Variants in DNAH8 observed in about 807,000 individuals in gnomAD.
DNAH8 encodes axonemal beta dynein heavy chain 8.
DNAH8 carries 382 observed loss-of-function variants against 562.1 expected under a neutral mutation model. The observed-to-expected ratio is 0.68, with a 90% confidence interval of 0.63 to 0.74. The LOEUF (loss-of-function observed/expected upper bound fraction) is 0.74, where lower values mean the gene tolerates loss of function less well. Among genes scored for constraint, DNAH8 ranks in the 30% least tolerant of loss-of-function variants. The pLI, the probability that DNAH8 is intolerant of heterozygous loss-of-function variation, is 0.00. For synonymous variants in DNAH8, 1,881 were observed against 1,919.4 expected, an observed-to-expected ratio of 0.98 and a Z score of 0.52; for missense variants, 5,203 against 5,620.4, an observed-to-expected ratio of 0.93 and a Z score of 2.37.
In DNAH8 at chr6:38,737,063, T is replaced by C; in HGVS notation, c.763-4T>C. 6.6e-7 allele frequency: 1 copy of C among 1,512,604 alleles called. No individual in the cohort carries two copies. Among genetic ancestry groups the C allele is most frequent in the Non-Finnish European group, 8.8e-7 (1 of 1,138,032 alleles). The allele number at this position is 1,512,604 out of a possible 1,614,324, so 93.7% of individuals were successfully genotyped here. A position where few individuals can be genotyped will look rare whatever the true frequency, so the allele number is the denominator to read the frequency against. On this transcript the variant is annotated splice_polypyrimidine_tract_variant and splice_region_variant and intron_variant, in intron 5 of 92. Transcript: ENST00000327475. Reference sequence around the variant, plus strand: ...AAAATAACATTTAAACTCCACCCTTTCAGGAAGCGCTCTTTACTGTTCTGG... The same window carrying C: ...AAAATAACATTTAAACTCCACCCTTCCAGGAAGCGCTCTTTACTGTTCTGG...
chr6:38,848,077 C>G (rs1471934967), intron 36 of DNAH8, among the ~76,000 whole-genome samples: 1 of 152,186 alleles, frequency 6.6e-6, no homozygotes, highest in Non-Finnish European at 1.5e-5. Context: ...GCTGTGCGGT[C>G]ATCTTCTCCA....
At chr6:38,900,679 A>T (rs1192069636) in intron 62 of DNAH8, among the ~76,000 whole-genome samples, 1 of 151,200 alleles carries the variant, frequency 6.6e-6, no homozygotes, top group East Asian at 1.9e-4. Context: ...GTGCAATGGC[A>T]TGATCTCTGC....
At chr6:38,765,094 C>T (rs1393022389) in intron 11 of DNAH8, among the ~76,000 whole-genome samples, 1 of 152,240 alleles carries the variant, frequency 6.6e-6, no homozygotes, top group Non-Finnish European at 1.5e-5. Flanking sequence ...CCTCAGCCTC[C>T]CAAAGTGTTG....
At position 38,951,438 on chromosome 6, in the gene DNAH8, C is replaced by G; in HGVS notation, c.12369C>G (p.Thr4123=). The change falls in exon 82 of 93, where the codon ACC becomes ACG. Residue 4123 remains threonine, a synonymous_variant. Transcript: ENST00000327475. The stretch of plus-strand genomic sequence containing the variant: ...AGAAAACTTGGGAAGAAAGTGATAC[C>G]CGGACACCTCTGATATGCTTCCTGT... The part of the protein sequence containing the change: ...NLEKTWEESD[T]RTPLICFLSM... 6.2e-7 allele frequency: 1 copy of G among 1,614,032 alleles called. No homozygotes were observed. Among genetic ancestry groups the G allele is most frequent in the Non-Finnish European group, 8.5e-7 (1 of 1,179,988 alleles).
intron 49 of DNAH8, among the ~76,000 whole-genome samples, chr6:38,872,245 C>A (rs575460441): frequency 6.6e-5 from 10 of 152,202 alleles, no homozygotes; most frequent in Admixed American, 6.5e-4. Flanking sequence ...GACCAACAAG[C>A]CAAAATCACA....
At chr6:38,768,082 T>G (rs1278101256) in intron 11 of DNAH8, among the ~76,000 whole-genome samples, 1 of 152,212 alleles carries the variant, frequency 6.6e-6, no homozygotes, top group East Asian at 1.9e-4. Context: ...TTCATATGCT[T>G]ATTGGCCCTT....
intron 92 of DNAH8, among the ~76,000 whole-genome samples, chr6:39,027,008 C>G (rs547986646): frequency 1.3e-5 from 2 of 151,852 alleles, no homozygotes; most frequent in Non-Finnish European, 2.9e-5. Flanking sequence ...ATTGCTTGAG[C>G]CCAGGAGTTC....
Position 38,827,741 on chromosome 6 carries a change from T to A in DNAH8, c.4084-443T>A, listed in dbSNP as rs1773483853. Among the ~76,000 whole-genome samples the A allele has an allele frequency of 2.4e-4, 14 of 58,576 alleles. 4 individuals carry two copies. Among genetic ancestry groups the A allele is most frequent in the Admixed American group, 1.3e-3 (6 of 4,652 alleles). The allele number at this position is 58,576 out of a possible 152,430, so 38.4% of individuals were successfully genotyped here. A position where few individuals can be genotyped will look rare whatever the true frequency, so the allele number is the denominator to read the frequency against. Reference sequence around the variant, plus strand: ...CTTAATTCTTTACCAAACTTTTTTTTTTTTTTTTTTTTTTTTTTTTTTTTT... The same window carrying A: ...CTTAATTCTTTACCAAACTTTTTTTATTTTTTTTTTTTTTTTTTTTTTTTT... On this transcript the variant is annotated intron_variant, in intron 29 of 92. Transcript: ENST00000327475.
At chr6:38,971,092 A>G (rs924066312) in intron 82 of DNAH8, among the ~76,000 whole-genome samples, 2 of 152,208 alleles carry the variant, frequency 1.3e-5, no homozygotes, top group African/African-American at 4.8e-5. Context: ...AAAATGATCA[A>G]ACATACAAAG....
intron 53 of DNAH8, among the ~76,000 whole-genome samples, chr6:38,880,781 A>G (rs1379674507): frequency 1.3e-5 from 2 of 152,246 alleles, no homozygotes; most frequent in Non-Finnish European, 2.9e-5. Flanking sequence ...TAATCCCAAC[A>G]CTTTGGGAGG....
At chr6:38,957,028 G>A (rs1408502528) in intron 82 of DNAH8, among the ~76,000 whole-genome samples, 5 of 152,246 alleles carry the variant, frequency 3.3e-5, no homozygotes, top group African/African-American at 1.2e-4. Context: ...CCAGCTATAT[G>A]CTGCCTACAA....
chr6:38,967,038 G>T (rs1370342826), intron 82 of DNAH8, among the ~76,000 whole-genome samples: 1 of 152,060 alleles, frequency 6.6e-6, no homozygotes, highest in South Asian at 2.1e-4. Context: ...TGAATTTTAG[G>T]GGTACATAAA....
At chr6:38,973,354 C>G (rs948306098) in intron 83 of DNAH8, among the ~76,000 whole-genome samples, 3 of 152,068 alleles carry the variant, frequency 2.0e-5, no homozygotes, top group Admixed American at 6.5e-5. Flanking sequence ...CCAAAATACC[C>G]GTTCCCACCA....
At chr6:38,803,408 C>A (rs1257011245) in intron 22 of DNAH8, 97 bp downstream of exon 22, 3 of 833,394 alleles carry the variant, frequency 3.6e-6, no homozygotes, top group Non-Finnish European at 5.6e-6. Context: ...CCAGACCCTC[C>A]CTTCCCCAGA....
chr6:38,865,066 A>G (rs1776934837), intron 45 of DNAH8, among the ~76,000 whole-genome samples: 1 of 152,224 alleles, frequency 6.6e-6, no homozygotes, highest in Non-Finnish European at 1.5e-5. Flanking sequence ...TCAGTGTTGT[A>G]AAGATAGGAA....
rs114239154 is a variant in DNAH8, at chr6:38,817,344, A to C, written c.3523+1687A>C. On this transcript the variant is annotated intron_variant, in intron 26 of 92. Transcript: ENST00000327475. Reference sequence around the variant, plus strand: ...AGCAACAGAGGGAGACTCCATCTCCAAAAAACAAAAAACAAAAACACCCCC... The same window carrying C: ...AGCAACAGAGGGAGACTCCATCTCCCAAAAACAAAAAACAAAAACACCCCC... 4.8e-3 allele frequency among the ~76,000 whole-genome samples: 732 copies of C among 152,276 alleles called. 7 individuals are homozygous for C. Among genetic ancestry groups the C allele is most frequent in the African/African-American group, 0.017 (709 of 41,536 alleles).
chr6:38,839,557 T>C (rs1278338364), intron 33 of DNAH8, among the ~76,000 whole-genome samples: 2 of 152,002 alleles, frequency 1.3e-5, no homozygotes, highest in Non-Finnish European at 2.9e-5. Context: ...GGAGTCTCCT[T>C]ATGTTGCCCA....
rs1389245168 is a variant in DNAH8 at position 38,935,714 on chromosome 6, A to T, written c.11563+17A>T. On this transcript the variant is annotated intron_variant, in intron 77 of 92. Coordinates refer to ENST00000327475, the MANE Select transcript of DNAH8 (RefSeq NM_001206927.2). ...CTACAAAAGGTATTGTGTTATTAAGAAGTAATGAAATAACGGATTCTGAAT... is the reference window on the plus strand; with the variant it reads ...CTACAAAAGGTATTGTGTTATTAAGTAGTAATGAAATAACGGATTCTGAAT... The T allele has an allele frequency of 2.6e-6, 4 of 1,532,874 alleles. No individual in the cohort carries two copies. Among genetic ancestry groups the T allele is most frequent in the Non-Finnish European group, 3.6e-6 (4 of 1,113,962 alleles). 95.0% of individuals were successfully genotyped at this position (1,532,874 alleles called of 1,614,324 possible).
At chr6:38,802,034 G>A (rs1353063191) in intron 21 of DNAH8, among the ~76,000 whole-genome samples, 1 of 151,814 alleles carries the variant, frequency 6.6e-6, no homozygotes, top group African/African-American at 2.4e-5. Context: ...CTGGGCTCAA[G>A]CAATCCTCTT....
Sources: allele counts gnomAD v4.1 joint callset (sites outside exome capture counted in the v4.1 genomes callset), GRCh38; gene constraint gnomAD v4.1.1; transcripts MANE v1.5; gene names NCBI Gene and HGNC (gene_info 2026-07-23, HGNC 2026-07-21).